INO80D: variants seen among roughly 807,000 people sequenced by gnomAD.
The protein encoded by INO80D is INO80 complex subunit D.
INO80D carries 21 observed loss-of-function variants against 87.6 expected under a neutral mutation model. That is an observed-to-expected ratio of 0.24 (90% CI 0.17 to 0.35). The LOEUF is 0.35. INO80D is among the 10% of genes least tolerant of loss of function. The pLI is 1.00. For missense variants in INO80D, 982 were observed against 1,280.7 expected (o/e 0.77, Z 3.56); for synonymous variants, 440 against 491.0 (o/e 0.90, Z 1.37).
At position 206,063,150 on chromosome 2, in the gene INO80D, C is replaced by T; in HGVS notation, c.-30+1G>A. ...AGGGACTTCTGGCCCCACAGCCATA[C>T]CTGATTTTAAATCTTCTGCACCATA... is the stretch of plus-strand genomic sequence containing the variant. On this transcript the variant is annotated splice_donor_variant, in intron 2 of 10. Transcript: ENST00000403263. LOFTEE classifies it low-confidence loss of function (5UTR_SPLICE). 1.5e-6 allele frequency: 1 copy of T among 675,904 alleles called. No homozygotes were observed. The highest frequency in any genetic ancestry group is 2.6e-6 in the Non-Finnish European group (1 of 389,884). 41.9% of individuals were successfully genotyped at this position (675,904 alleles called of 1,614,324 possible).
chr2:206,017,233 G>C (rs1688343147), intron 8 of INO80D, among the ~76,000 whole-genome samples: 2 of 152,156 alleles, frequency 1.3e-5, no homozygotes, highest in Admixed American at 1.3e-4. Context: ...GTAACTGCTT[G>C]ATGGATGAAA....
intron 1 of INO80D, among the ~76,000 whole-genome samples, chr2:206,064,078 A>G (rs2359124): frequency 0.28 from 42,591 of 152,112 alleles, 6,749 homozygotes; most frequent in African/African-American, 0.43. Context: ...TCCAATCACA[A>G]TAAACTTCTC....
chr2:206,051,142 C>T (rs1375304877), intron 4 of INO80D, among the ~76,000 whole-genome samples: 1 of 151,950 alleles, frequency 6.6e-6, no homozygotes, highest in Non-Finnish European at 1.5e-5. Context: ...AAACCAAAAC[C>T]CAGACTCAAA....
intron 10 of INO80D, among the ~76,000 whole-genome samples, chr2:206,005,852 T>C (rs1381165812): frequency 6.6e-6 from 1 of 152,230 alleles, no homozygotes; most frequent in East Asian, 1.9e-4. Flanking sequence ...ACTATGTGAT[T>C]ATACGTGTTT....
At chr2:206,032,958 C>A (rs1490392215) in intron 5 of INO80D, among the ~76,000 whole-genome samples, 2 of 152,102 alleles carry the variant, frequency 1.3e-5, no homozygotes, top group Non-Finnish European at 2.9e-5. Context: ...ACAAAGAGCA[C>A]AATGAAAGCA....
intron 1 of INO80D, among the ~76,000 whole-genome samples, chr2:206,066,116 T>G (rs1689808787): frequency 6.6e-6 from 1 of 152,024 alleles, no homozygotes; most frequent in South Asian, 2.1e-4. Flanking sequence ...AAAAATTAGC[T>G]GGGCTTGTTG....
intron 10 of INO80D, 98 bp downstream of exon 10, chr2:206,007,186 G>T: frequency 4.0e-6 from 4 of 1,007,632 alleles, no homozygotes. Flanking sequence ...GACATTACAT[G>T]TGAGGAGGAA....
At chr2:206,031,441 G>A (rs1688763896) in intron 5 of INO80D, among the ~76,000 whole-genome samples, 1 of 152,136 alleles carries the variant, frequency 6.6e-6, no homozygotes, top group East Asian at 1.9e-4. Context: ...TTAAAGGGAA[G>A]GTAAAGCTTG....
intron 1 of INO80D, among the ~76,000 whole-genome samples, chr2:206,069,529 T>C (rs1423667155): frequency 1.3e-5 from 2 of 152,084 alleles, no homozygotes; most frequent in Non-Finnish European, 2.9e-5. Context: ...GTGGATCACC[T>C]GAGGTCAGGA....
chr2:205,996,491 T>C lies in INO80D; in HGVS notation c.*7877A>G, dbSNP rs1394216204. Reference sequence around the variant, plus strand: ...CTTCCATTTTAGTATGTTCTGATGATGTACTCTAGACTGTCACCTCCTCTG... The same window carrying C: ...CTTCCATTTTAGTATGTTCTGATGACGTACTCTAGACTGTCACCTCCTCTG... On this transcript the variant is annotated 3_prime_UTR_variant, in exon 11 of 11. Transcript: ENST00000403263. The C allele has an allele frequency of 6.6e-6, 1 of 152,074 alleles. No homozygotes were observed. Among genetic ancestry groups the C allele is most frequent in the Non-Finnish European group, 1.5e-5 (1 of 67,952 alleles). The allele number at this position is 152,074 out of a possible 1,614,324, so 9.4% of individuals were successfully genotyped here.
At chr2:206,071,222 G>T in intron 1 of INO80D, among the ~76,000 whole-genome samples, 1 of 129,338 alleles carries the variant, frequency 7.7e-6, no homozygotes. Context: ...GCCTCCCAAA[G>T]TGCTGGGATT....
In INO80D at chr2:206,003,013, T is replaced by A. The variant is rs1210088407; in HGVS notation, c.*1355A>T. The A allele has an allele frequency of 6.6e-6, 1 of 152,130 alleles. No homozygotes were observed. The highest frequency in any genetic ancestry group is 1.5e-5 in the Non-Finnish European group (1 of 68,012). 9.4% of individuals were successfully genotyped at this position (152,130 alleles called of 1,614,324 possible). A position where few individuals can be genotyped will look rare whatever the true frequency, so the allele number is the denominator to read the frequency against. On this transcript the variant is annotated 3_prime_UTR_variant, in exon 11 of 11. Coordinates refer to ENST00000403263, the MANE Select transcript of INO80D (RefSeq NM_017759.5). ...TCTCATAGTCACAAACTTCCTAAACTACCCCATATGATCTTTAACCCCTAA... is the reference window on the plus strand; with the variant it reads ...TCTCATAGTCACAAACTTCCTAAACAACCCCATATGATCTTTAACCCCTAA...
In INO80D at chr2:205,998,565, G is replaced by A. The variant is rs1387115820; in HGVS notation, c.*5803C>T. On this transcript the variant is annotated 3_prime_UTR_variant, in exon 11 of 11. Transcript: ENST00000403263. The stretch of plus-strand genomic sequence containing the variant: ...TAAAACTTATAATTTATGAGGTGAT[G>A]TTAATAGCATAAATTAATATACCTT... The A allele has an allele frequency of 1.3e-5, 2 of 151,280 alleles. No homozygotes were observed. Among genetic ancestry groups the A allele is most frequent in the Admixed American group, 6.6e-5 (1 of 15,200 alleles). The allele number at this position is 151,280 out of a possible 1,614,324, so 9.4% of individuals were successfully genotyped here. A position where few individuals can be genotyped will look rare whatever the true frequency, so the allele number is the denominator to read the frequency against.
intron 8 of INO80D, among the ~76,000 whole-genome samples, chr2:206,010,488 C>G (rs144705272): frequency 6.3e-4 from 96 of 152,242 alleles, no homozygotes; most frequent in African/African-American, 2.1e-3. Context: ...TAAGAAAGTA[C>G]CGCATCACTG....
chr2:206,042,287 A>C (rs1689070654), intron 5 of INO80D, among the ~76,000 whole-genome samples: 1 of 152,128 alleles, frequency 6.6e-6, no homozygotes. Flanking sequence ...TCACCTTAAA[A>C]ACTACAAAAA....
At chr2:206,008,613 C>A (rs1052826729) in intron 9 of INO80D, among the ~76,000 whole-genome samples, 5 of 152,032 alleles carry the variant, frequency 3.3e-5, no homozygotes, top group African/African-American at 1.2e-4. Context: ...ACATGAGAAA[C>A]CCTAACTTAC....
At chr2:206,024,318 A>T (rs1225398751) in intron 6 of INO80D, among the ~76,000 whole-genome samples, 1 of 152,162 alleles carries the variant, frequency 6.6e-6, no homozygotes, top group African/African-American at 2.4e-5. Flanking sequence ...ACAATGAAAC[A>T]GAGTACAGAG....
intron 8 of INO80D, among the ~76,000 whole-genome samples, chr2:206,014,553 G>A (rs1217901659): frequency 6.6e-6 from 1 of 152,190 alleles, no homozygotes; most frequent in Non-Finnish European, 1.5e-5. Context: ...ATCCATGTGA[G>A]ATGTGACTTG....
At chr2:206,014,031 C>T (rs931009572) in intron 8 of INO80D, among the ~76,000 whole-genome samples, 3 of 151,428 alleles carry the variant, frequency 2.0e-5, no homozygotes, top group African/African-American at 4.9e-5. Context: ...TGGTGGCATG[C>T]GCCTGTAATC....
Sources: allele counts gnomAD v4.1 joint callset (sites outside exome capture counted in the v4.1 genomes callset), GRCh38; gene constraint gnomAD v4.1.1; transcripts MANE v1.5; gene names NCBI Gene and HGNC (gene_info 2026-07-23, HGNC 2026-07-21).